The following KCNIP4 variants were observed in gnomAD, a reference collection of about 807,000 sequenced individuals.
KCNIP4 encodes Kv channel-interacting protein 4.
Under a neutral mutation model 34.0 loss-of-function variants are expected in KCNIP4, and 12 were observed. The observed-to-expected ratio is 0.35, with a 90% confidence interval of 0.23 to 0.57. The LOEUF (loss-of-function observed/expected upper bound fraction) is 0.57. Ranked by LOEUF, KCNIP4 falls within the 20% of genes least tolerant of loss-of-function variation. The pLI is 0.83. For synonymous variants in KCNIP4, 124 were observed against 102.2 expected (o/e 1.21, Z -1.29); for missense variants, 238 against 311.7 (o/e 0.76, Z 1.78).
chr4:21,640,384 C>T (rs1430450659), intron 1 of KCNIP4, among the ~76,000 whole-genome samples: 2 of 152,206 alleles, frequency 1.3e-5, no homozygotes, highest in African/African-American at 2.4e-5. Flanking sequence ...TGCAGGGGTG[C>T]CCCTCATAAA....
At chr4:21,268,271 T>C (rs557343083) in intron 1 of KCNIP4, among the ~76,000 whole-genome samples, 1 of 152,310 alleles carries the variant, frequency 6.6e-6, no homozygotes, top group Admixed American at 6.5e-5. Context: ...GAAATGACTC[T>C]TTGCATAATA....
chr4:21,264,442 T>C lies in KCNIP4; in HGVS notation c.62-381733A>G, dbSNP rs146530629. 1.3e-3 allele frequency among the ~76,000 whole-genome samples: 197 copies of C among 152,252 alleles called. 1 individual carries two copies. Among genetic ancestry groups the C allele is most frequent in the Middle Eastern group, 3.4e-3 (1 of 294 alleles). ...TAGCATGGTGGTTAGGAACGTGATGTAGAGGCTGAGAGTTCATGTTTAGAC... is the reference window on the plus strand; with the variant it reads ...TAGCATGGTGGTTAGGAACGTGATGCAGAGGCTGAGAGTTCATGTTTAGAC... On this transcript the variant is annotated intron_variant, in intron 1 of 8. Transcript: ENST00000382152.
Position 21,802,856 on chromosome 4 carries a change from C to T in KCNIP4, c.61+145715G>A, listed in dbSNP as rs1578009871. On this transcript the variant is annotated intron_variant, in intron 1 of 8. Coordinates refer to ENST00000382152, the MANE Select transcript of KCNIP4 (RefSeq NM_025221.6). ...CAAAAATTGCACCCCAACTTTCATT[C>T]CCAGAAAACAGCCTTCCTATTCAAC... is the stretch of plus-strand genomic sequence containing the variant. 3.3e-5 allele frequency among the ~76,000 whole-genome samples: 5 copies of T among 152,282 alleles called. No homozygotes were observed. The East Asian group carries it at 9.7e-4, about 29-fold the overall frequency.
intron 1 of KCNIP4, among the ~76,000 whole-genome samples, chr4:21,604,237 C>G (rs530391177): frequency 6.6e-6 from 1 of 152,106 alleles, no homozygotes; most frequent in Non-Finnish European, 1.5e-5. Flanking sequence ...TTGCTTAAAG[C>G]CCATTAAATT....
chr4:21,079,500 C>T (rs1203897245), intron 1 of KCNIP4, among the ~76,000 whole-genome samples: 1 of 151,960 alleles, frequency 6.6e-6, no homozygotes, highest in Non-Finnish European at 1.5e-5. Flanking sequence ...CCCCACTTCT[C>T]ATTTTGCCAA....
chr4:21,325,590 T>C (rs1394379384), intron 1 of KCNIP4, among the ~76,000 whole-genome samples: 4 of 151,818 alleles, frequency 2.6e-5, no homozygotes, highest in African/African-American at 9.7e-5. Context: ...TTCTTTGTTT[T>C]CTTTTCATTT....
intron 1 of KCNIP4, among the ~76,000 whole-genome samples, chr4:21,103,995 T>C (rs193003539): frequency 8.5e-4 from 130 of 152,072 alleles, no homozygotes; most frequent in African/African-American, 3.1e-3. Context: ...TGTTGGACAT[T>C]TGGGTTGGTT....
intron 1 of KCNIP4, among the ~76,000 whole-genome samples, chr4:20,958,929 A>T (rs1368991912): frequency 1.3e-5 from 2 of 152,224 alleles, no homozygotes; most frequent in Non-Finnish European, 2.9e-5. Context: ...TTGCTGAGAC[A>T]GCGCTGGGGA....
At chr4:20,784,493 C>A (rs1711658510) in intron 3 of KCNIP4, among the ~76,000 whole-genome samples, 1 of 152,256 alleles carries the variant, frequency 6.6e-6, no homozygotes, top group Middle Eastern at 3.4e-3. Flanking sequence ...GCACAGTAGC[C>A]AAATTTAGGA....
chr4:21,616,830 T>A (rs13117892), intron 1 of KCNIP4, among the ~76,000 whole-genome samples: 79,199 of 152,038 alleles, frequency 0.52, 20,806 homozygotes, highest in East Asian at 0.73. Context: ...TCTTAATACG[T>A]GTTACATCTA....
intron 1 of KCNIP4, among the ~76,000 whole-genome samples, chr4:21,283,686 A>G (rs780219524): frequency 2.0e-5 from 3 of 149,432 alleles, no homozygotes; most frequent in African/African-American, 4.9e-5. Flanking sequence ...GCATTAGGAG[A>G]TATACCTAAT....
rs10686415 is a variant in KCNIP4 at position 20,905,509 on chromosome 4, C to CTTTTTTTTTTTTTTTTTT, written c.62-22801_62-22800insAAAAAAAAAAAAAAAAAA. 7.3e-3 allele frequency among the ~76,000 whole-genome samples: 533 copies of CTTTTTTTTTTTTTTTTTT among 72,720 alleles called. 23 individuals carry two copies. Among genetic ancestry groups the CTTTTTTTTTTTTTTTTTT allele is most frequent in the Middle Eastern group, 0.012 (1 of 86 alleles). 47.7% of individuals were successfully genotyped at this position (72,720 alleles called of 152,430 possible). A position where few individuals can be genotyped will look rare whatever the true frequency, so the allele number is the denominator to read the frequency against. ...ACACAGGTAGTTGAACGTTTTCTTT[C>CTTTTTTTTTTTTTTTTTT]TTTTTTTTTTTTTTTTGTTTGAGAT... On this transcript the variant is annotated intron_variant, in intron 1 of 8. Transcript: ENST00000382152.
intron 5 of KCNIP4, among the ~76,000 whole-genome samples, chr4:20,743,972 C>A (rs1751803334): frequency 6.6e-6 from 1 of 151,752 alleles, no homozygotes; most frequent in South Asian, 2.1e-4. Flanking sequence ...AGACTCTTCT[C>A]AAAAGAAGAC....
intron 1 of KCNIP4, among the ~76,000 whole-genome samples, chr4:21,175,129 T>C (rs1023027336): frequency 9.7e-6 from 1 of 102,886 alleles, no homozygotes; most frequent in Non-Finnish European, 2.1e-5. Context: ...TTTTCTTAGA[T>C]AATTTACTTA....
intron 1 of KCNIP4, among the ~76,000 whole-genome samples, chr4:21,811,689 T>C (rs550953331): frequency 1.3e-5 from 2 of 152,190 alleles, no homozygotes; most frequent in African/African-American, 4.8e-5. Context: ...TTTTCCTTCC[T>C]GTAAGACTAA....
chr4:21,653,296 T>C (rs1265772921), intron 1 of KCNIP4, among the ~76,000 whole-genome samples: 3 of 152,216 alleles, frequency 2.0e-5, no homozygotes, highest in Non-Finnish European at 4.4e-5. Flanking sequence ...CTTAGCAGCA[T>C]AAACTCATCT....
At chr4:21,289,913 C>A (rs1763336073) in intron 1 of KCNIP4, among the ~76,000 whole-genome samples, 1 of 152,146 alleles carries the variant, frequency 6.6e-6, no homozygotes, top group South Asian at 2.1e-4. Flanking sequence ...CATACACATT[C>A]CAATTTTCCC....
At chr4:21,800,979 T>G (rs571620013) in intron 1 of KCNIP4, among the ~76,000 whole-genome samples, 13 of 152,178 alleles carry the variant, frequency 8.5e-5, no homozygotes, top group Non-Finnish European at 1.9e-4. Context: ...AACACTTTCA[T>G]TACATTCATT....
chr4:21,659,715 G>A (rs1382434786), intron 1 of KCNIP4, among the ~76,000 whole-genome samples: 1 of 152,094 alleles, frequency 6.6e-6, no homozygotes, highest in Non-Finnish European at 1.5e-5. Context: ...GAGACCCCAT[G>A]ATAAAAAGAA....
Sources: gnomAD v4.1 joint callset for allele counts (sites outside exome capture counted in the v4.1 genomes callset) on GRCh38, gnomAD v4.1.1 for gene constraint, MANE v1.5 for transcripts, NCBI Gene and HGNC (gene_info 2026-07-23, HGNC 2026-07-21) for gene names.